Variants in BMAL2 observed in about 807,000 individuals in gnomAD.
BMAL2 encodes the protein basic helix-loop-helix ARNT like 2.
chr12:27,347,328 T>G, the BMAL2 span, among the ~76,000 whole-genome samples: 2 of 152,222 alleles, frequency 1.3e-5, no homozygotes, highest in African/African-American at 2.4e-5. Flanking sequence ...TATTTCTCAA[T>G]AATTTTGGCC....
the BMAL2 span, among the ~76,000 whole-genome samples, chr12:27,363,245 G>A: frequency 6.6e-6 from 1 of 152,110 alleles, no homozygotes; most frequent in African/African-American, 2.4e-5. Flanking sequence ...AGTTTTCTCA[G>A]GTTTTCATTG....
At chr12:27,415,688 C>T in the BMAL2 span, among the ~76,000 whole-genome samples, 1 of 152,116 alleles carries the variant, frequency 6.6e-6, no homozygotes. Context: ...TGTTTTTCAG[C>T]ATTCCATAGT....
chr12:27,398,678 G>A, the BMAL2 span, among the ~76,000 whole-genome samples: 2 of 152,252 alleles, frequency 1.3e-5, no homozygotes, highest in African/African-American at 2.4e-5. Context: ...GGGACAGTTC[G>A]ATTTGGAAAT....
the BMAL2 span, among the ~76,000 whole-genome samples, chr12:27,365,736 A>AT: frequency 4.7e-5 from 7 of 149,092 alleles, no homozygotes; most frequent in Admixed American, 2.7e-4. Context: ...TTTTTTGTAC[A>AT]TTTTTTTCTT....
the BMAL2 span, among the ~76,000 whole-genome samples, chr12:27,399,717 T>C: frequency 6.6e-6 from 1 of 152,218 alleles, no homozygotes; most frequent in Non-Finnish European, 1.5e-5. Flanking sequence ...TTCTAAATCT[T>C]ATCATAAAAA....
chr12:27,360,803 C>CAAAAAAAAAA, the BMAL2 span, among the ~76,000 whole-genome samples: 53 of 46,776 alleles, frequency 1.1e-3, 7 homozygotes, highest in African/African-American at 2.8e-3. Context: ...GTGATTTGTC[C>CAAAAAAAAAA]AAAAAAAAAA....
At chr12:27,332,946 C>A in the BMAL2 span, 1 of 700,024 alleles carries the variant, frequency 1.4e-6, no homozygotes, top group Non-Finnish European at 1.9e-6. Context: ...CGCCGCGGCA[C>A]CCGGCAGGGC....
chr12:27,334,439 A>G, the BMAL2 span, among the ~76,000 whole-genome samples: 4 of 152,168 alleles, frequency 2.6e-5, no homozygotes, highest in Non-Finnish European at 5.9e-5. Flanking sequence ...TAAGTGCTTC[A>G]TAAAACATTA....
At chr12:27,417,617 T>C in the BMAL2 span, among the ~76,000 whole-genome samples, 1 of 152,146 alleles carries the variant, frequency 6.6e-6, no homozygotes, top group Non-Finnish European at 1.5e-5. Context: ...GCTTGGCACA[T>C]GGTCCTCGGG....
the BMAL2 span, chr12:27,422,022 A>G: frequency 6.6e-6 from 1 of 152,362 alleles, no homozygotes; most frequent in African/African-American, 2.4e-5. Flanking sequence ...TTAAAAACCA[A>G]TTTTCTAGTT....
At chr12:27,404,621 T>C in the BMAL2 span, among the ~76,000 whole-genome samples, 1 of 152,112 alleles carries the variant, frequency 6.6e-6, no homozygotes. Flanking sequence ...GCTTTTCGGG[T>C]GGAGCCAAGA....
At chr12:27,369,301 G>GT in the BMAL2 span, among the ~76,000 whole-genome samples, 6 of 151,754 alleles carry the variant, frequency 4.0e-5, no homozygotes, top group South Asian at 2.1e-4. Flanking sequence ...TTTTTTGGTG[G>GT]GGGGGGTGGT....
the BMAL2 span, among the ~76,000 whole-genome samples, chr12:27,386,631 T>G: frequency 6.6e-6 from 1 of 152,184 alleles, no homozygotes; most frequent in Admixed American, 6.5e-5. Context: ...GGTAATTTTA[T>G]TTTATTGTTA....
the BMAL2 span, among the ~76,000 whole-genome samples, chr12:27,355,659 T>G: frequency 1.3e-5 from 2 of 152,332 alleles, no homozygotes; most frequent in East Asian, 1.9e-4. Flanking sequence ...TTTTCTCTGC[T>G]TCAGTTCTCC....
At chr12:27,402,749 G>A in the BMAL2 span, 1 of 1,369,186 alleles carries the variant, frequency 7.3e-7, no homozygotes, top group Non-Finnish European at 1.0e-6. Context: ...ATCTTTTTCT[G>A]TCCTGGAGAG....
the BMAL2 span, among the ~76,000 whole-genome samples, chr12:27,388,094 C>T: frequency 2.0e-5 from 3 of 149,954 alleles, no homozygotes; most frequent in South Asian, 2.1e-4. Flanking sequence ...CATGCACACA[C>T]ACATGCACGC....
chr12:27,418,804 C>G, the BMAL2 span, among the ~76,000 whole-genome samples: 1 of 151,822 alleles, frequency 6.6e-6, no homozygotes, highest in South Asian at 2.1e-4. Context: ...ATGGTGAAAC[C>G]CTATCTGTAC....
At chr12:27,346,844 T>A in the BMAL2 span, among the ~76,000 whole-genome samples, 25 of 152,312 alleles carry the variant, frequency 1.6e-4, no homozygotes, top group African/African-American at 5.8e-4. Flanking sequence ...GGGAGGTATT[T>A]GGGTCATGGG....
the BMAL2 span, among the ~76,000 whole-genome samples, chr12:27,361,581 A>G: frequency 1.3e-5 from 2 of 152,212 alleles, no homozygotes; most frequent in South Asian, 2.1e-4. Flanking sequence ...CTGAACTTCA[A>G]TTCCTAACAC....
Sources: allele counts gnomAD v4.1 joint callset (sites outside exome capture counted in the v4.1 genomes callset), GRCh38; gene constraint gnomAD v4.1.1; transcripts MANE v1.5; gene names NCBI Gene and HGNC (gene_info 2026-07-23, HGNC 2026-07-21).